The following LINGO2 variants were observed in gnomAD, a reference collection of about 807,000 sequenced individuals.
LINGO2 encodes the protein leucine rich repeat and Ig domain containing 2.
A neutral mutation model predicts 30.6 loss-of-function variants in LINGO2; 14 were observed. The ratio of observed to expected loss-of-function variants is 0.46; its 90% confidence interval spans 0.30 to 0.72. The LOEUF (loss-of-function observed/expected upper bound fraction) is 0.72, where lower values mean the gene tolerates loss of function less well. Among genes scored for constraint, LINGO2 ranks in the 30% least tolerant of loss-of-function variants. LINGO2 has a pLI of 0.07. For missense variants in LINGO2, 729 were observed against 751.7 expected, an observed-to-expected ratio of 0.97 and a Z score of 0.35; for synonymous variants, 317 against 288.5, an observed-to-expected ratio of 1.10 and a Z score of -1.00.
chr9:28,971,647 A>G, the LINGO2 span, among the ~76,000 whole-genome samples: 2 of 152,218 alleles, frequency 1.3e-5, no homozygotes, highest in Admixed American at 1.3e-4. Flanking sequence ...CACCAGGTAG[A>G]CTTCTAAAGT....
At chr9:28,621,044 G>A (rs937926584) in intron 1 of LINGO2, among the ~76,000 whole-genome samples, 4 of 152,052 alleles carry the variant, frequency 2.6e-5, no homozygotes, top group African/African-American at 9.7e-5. Flanking sequence ...TTGGATATAT[G>A]TGTCAAAAAC....
chr9:28,523,739 T>C (rs111592047), intron 1 of LINGO2, among the ~76,000 whole-genome samples: 372 of 152,252 alleles, frequency 2.4e-3, no homozygotes, highest in African/African-American at 8.3e-3. Flanking sequence ...GACCTGTACA[T>C]TGACAAGCAC....
chr9:29,121,706 T>C, the LINGO2 span, among the ~76,000 whole-genome samples: 2 of 152,212 alleles, frequency 1.3e-5, no homozygotes, highest in South Asian at 4.1e-4. Flanking sequence ...GAAACCCACA[T>C]GAGCCACACT....
chr9:28,454,602 T>A (rs936896107), intron 2 of LINGO2, among the ~76,000 whole-genome samples: 1 of 151,950 alleles, frequency 6.6e-6, no homozygotes, highest in African/African-American at 2.4e-5. Context: ...ATATACACAA[T>A]GTACATATAT....
chr9:28,941,502 A>G, the LINGO2 span, among the ~76,000 whole-genome samples: 1 of 152,132 alleles, frequency 6.6e-6, no homozygotes, highest in Non-Finnish European at 1.5e-5. Context: ...CCCCTTTTGC[A>G]ACTAGGCAAA....
At chr9:29,007,557 C>A in the LINGO2 span, among the ~76,000 whole-genome samples, 1 of 152,040 alleles carries the variant, frequency 6.6e-6, no homozygotes, top group African/African-American at 2.4e-5. Context: ...CCACTGAAGG[C>A]CTTTTTTTCT....
chr9:28,966,853 G>T, the LINGO2 span, among the ~76,000 whole-genome samples: 1 of 151,984 alleles, frequency 6.6e-6, no homozygotes, highest in African/African-American at 2.4e-5. Context: ...AGAGTATATT[G>T]TTTTTGCCTT....
At chr9:27,968,455 T>A in intron 5 of LINGO2, among the ~76,000 whole-genome samples, 1 of 151,990 alleles carries the variant, frequency 6.6e-6, no homozygotes, top group East Asian at 1.9e-4. Flanking sequence ...AAAATAAATT[T>A]ATATCTACAT....
At chr9:28,485,654 T>A (rs1049837010) in intron 1 of LINGO2, among the ~76,000 whole-genome samples, 9 of 152,044 alleles carry the variant, frequency 5.9e-5, no homozygotes, top group African/African-American at 2.2e-4. Flanking sequence ...TAAAGAGTCT[T>A]CCATTGCTCT....
At position 28,630,313 on chromosome 9, in the gene LINGO2, G is replaced by T. The variant is rs565607799; in HGVS notation, c.-365+39887C>A. Among the ~76,000 whole-genome samples, 26 of 152,014 alleles carry T rather than the reference G, an allele frequency of 1.7e-4. No individual in the cohort carries two copies. The South Asian group carries it at 5.2e-3, about 30-fold the overall frequency. ...TCTTTTCAGGATTATAGCATACGTT[G>T]TATGTTGTAACTATATTCTAATTGG... On this transcript the variant is annotated intron_variant, in intron 1 of 5. Transcript: ENST00000379992.
chr9:28,045,473 T>C (rs532766134), intron 4 of LINGO2, among the ~76,000 whole-genome samples: 90 of 151,952 alleles, frequency 5.9e-4, no homozygotes, highest in Admixed American at 9.8e-4. Flanking sequence ...TTGACTCTAA[T>C]GCACAATGAT....
chr9:29,001,495 C>G, the LINGO2 span, among the ~76,000 whole-genome samples: 6,287 of 151,996 alleles, frequency 0.041, 198 homozygotes, highest in Admixed American at 0.083. Flanking sequence ...ACAACAGAGG[C>G]TGACCTCAAT....
the LINGO2 span, among the ~76,000 whole-genome samples, chr9:28,690,785 C>G: frequency 2.9e-4 from 44 of 152,290 alleles, no homozygotes; most frequent in Middle Eastern, 0.01. Flanking sequence ...TCAGATCCCT[C>G]ACAATCCTTC....
At chr9:28,789,295 GATAA>G in the LINGO2 span, among the ~76,000 whole-genome samples, 4 of 152,176 alleles carry the variant, frequency 2.6e-5, no homozygotes, top group Admixed American at 1.3e-4. Context: ...TTTGTTGTTT[GATAA>G]ATAAATAAAA....
At chr9:28,789,316 A>T in the LINGO2 span, among the ~76,000 whole-genome samples, 1 of 152,246 alleles carries the variant, frequency 6.6e-6, no homozygotes, top group Admixed American at 6.5e-5. Flanking sequence ...AAAAGCTATT[A>T]TCTCAATAGT....
chr9:29,026,948 A>AAATAAAAT, the LINGO2 span, among the ~76,000 whole-genome samples: 3 of 152,182 alleles, frequency 2.0e-5, no homozygotes, highest in Non-Finnish European at 4.4e-5. Context: ...TATTTAAACT[A>AAATAAAAT]AATAAAATAA....
chr9:28,333,429 C>T (rs997237118), intron 3 of LINGO2, among the ~76,000 whole-genome samples: 5 of 152,116 alleles, frequency 3.3e-5, no homozygotes, highest in East Asian at 3.9e-4. Context: ...GGCTAAGGTA[C>T]ATTCAAATGT....
chr9:28,031,633 C>T (rs976390686), intron 4 of LINGO2, among the ~76,000 whole-genome samples: 1 of 152,110 alleles, frequency 6.6e-6, no homozygotes, highest in Non-Finnish European at 1.5e-5. Flanking sequence ...TGCCACACAA[C>T]ATTGGTTTTG....
intron 4 of LINGO2, among the ~76,000 whole-genome samples, chr9:28,044,026 A>G (rs1824307922): frequency 6.6e-6 from 1 of 152,192 alleles, no homozygotes; most frequent in African/African-American, 2.4e-5. Context: ...TCGAATGTGA[A>G]GCTCCATGCC....
Sources: allele counts gnomAD v4.1 joint callset (sites outside exome capture counted in the v4.1 genomes callset), GRCh38; gene constraint gnomAD v4.1.1; transcripts MANE v1.5; gene names NCBI Gene and HGNC (gene_info 2026-07-23, HGNC 2026-07-21).